The following TTC6 variants were observed in gnomAD, a reference collection of about 807,000 sequenced individuals.
The protein encoded by TTC6 is tetratricopeptide repeat protein 6.
Under a neutral mutation model 210.4 loss-of-function variants are expected in TTC6, and 172 were observed. That is an observed-to-expected ratio of 0.82 (90% CI 0.72 to 0.93). TTC6 has a LOEUF of 0.93. Among genes scored for constraint, TTC6 ranks in the 40% least tolerant of loss-of-function variants. TTC6 has a pLI of 0.00. For missense variants in TTC6, 2,414 were observed against 2,318.1 expected (o/e 1.04, Z -0.85); for synonymous variants, 804 against 819.6 (o/e 0.98, Z 0.32).
chr14:37,690,084 A>C (rs933343973), intron 3 of TTC6, among the ~76,000 whole-genome samples: 1 of 152,122 alleles, frequency 6.6e-6, no homozygotes, highest in Non-Finnish European at 1.5e-5. Context: ...AAGTGTAGAG[A>C]ATTTATTAGT....
intron 20 of TTC6, among the ~76,000 whole-genome samples, chr14:37,803,859 A>G (rs2096112469): frequency 6.6e-6 from 1 of 152,228 alleles, no homozygotes; most frequent in African/African-American, 2.4e-5. Flanking sequence ...GTGGCTTGCA[A>G]ACATATACAG....
At chr14:37,682,287 T>G (rs907369154) in intron 2 of TTC6, among the ~76,000 whole-genome samples, 1 of 152,020 alleles carries the variant, frequency 6.6e-6, no homozygotes, top group African/African-American at 2.4e-5. Flanking sequence ...TTCAGTCCCA[T>G]CTGGTTAAAA....
intron 1 of TTC6, among the ~76,000 whole-genome samples, chr14:37,605,637 A>G (rs926275292): frequency 3.3e-5 from 5 of 152,166 alleles, no homozygotes; most frequent in Non-Finnish European, 7.4e-5. Context: ...AAGCACATAC[A>G]ACAGTCTTAC....
chr14:37,834,101 T>C (rs1045773181), intron 29 of TTC6, among the ~76,000 whole-genome samples: 2 of 152,190 alleles, frequency 1.3e-5, no homozygotes, highest in Non-Finnish European at 2.9e-5. Context: ...TTGATACTTT[T>C]GGTGTTTTTA....
intron 15 of TTC6, among the ~76,000 whole-genome samples, chr14:37,788,788 G>T (rs1268610549): frequency 2.0e-5 from 3 of 152,036 alleles, no homozygotes; most frequent in African/African-American, 7.2e-5. Context: ...ATGCTTTAGG[G>T]TTCAGAGGAT....
At chr14:37,724,029 A>T (rs2095866857) in intron 6 of TTC6, among the ~76,000 whole-genome samples, 1 of 151,992 alleles carries the variant, frequency 6.6e-6, no homozygotes, top group East Asian at 1.9e-4. Flanking sequence ...CTAAAAAAAA[A>T]TCTCCTAGGC....
rs2095859061 is a variant in TTC6, at chr14:37,720,149, C to A, written c.1714-4749C>A. On this transcript the variant is annotated intron_variant, in intron 6 of 30. Transcript: ENST00000553443. ...TTAAAACCACCATAAGATATTAGTACAGAATGGTTAAAATAAAATAATAGT... is the reference window on the plus strand; with the variant it reads ...TTAAAACCACCATAAGATATTAGTAAAGAATGGTTAAAATAAAATAATAGT... Among the ~76,000 whole-genome samples the A allele has an allele frequency of 2.0e-5, 3 of 151,956 alleles. No homozygotes were observed. The South Asian group carries it at 6.2e-4, about 31-fold the overall frequency.
chr14:37,606,408 G>T (rs2095625205), intron 1 of TTC6, among the ~76,000 whole-genome samples: 1 of 152,098 alleles, frequency 6.6e-6, no homozygotes, highest in Non-Finnish European at 1.5e-5. Flanking sequence ...TAGAGTGTTA[G>T]GAGTACTTAG....
intron 13 of TTC6, among the ~76,000 whole-genome samples, chr14:37,752,461 AT>A (rs1175799900): frequency 2.0e-5 from 3 of 151,876 alleles, no homozygotes; most frequent in Admixed American, 6.6e-5. Flanking sequence ...TCCTGCACCA[AT>A]AGTTTAGAAA....
At chr14:37,744,907 G>A (rs988767270) in intron 10 of TTC6, among the ~76,000 whole-genome samples, 4 of 152,088 alleles carry the variant, frequency 2.6e-5, no homozygotes, top group African/African-American at 9.7e-5. Context: ...GGTTTGGGGT[G>A]ATAGCAACCA....
At chr14:37,738,247 A>G (rs1297818999) in intron 9 of TTC6, among the ~76,000 whole-genome samples, 1 of 151,146 alleles carries the variant, frequency 6.6e-6, no homozygotes, top group Non-Finnish European at 1.5e-5. Context: ...TAAAATAAAT[A>G]CTGTAATAGG....
intron 6 of TTC6, among the ~76,000 whole-genome samples, chr14:37,717,103 TAAATGTTTTC>T (rs2095853983): frequency 6.6e-6 from 1 of 151,784 alleles, no homozygotes; most frequent in Admixed American, 6.6e-5. Context: ...TTTCTAGCAC[TAAATGTTTTC>T]AATAGAAAAG....
intron 20 of TTC6, among the ~76,000 whole-genome samples, chr14:37,802,665 C>T (rs578036657): frequency 1.3e-5 from 2 of 151,894 alleles, no homozygotes; most frequent in South Asian, 2.1e-4. Flanking sequence ...TGACCTGTAG[C>T]GATAGAAAAA....
intron 14 of TTC6, among the ~76,000 whole-genome samples, chr14:37,772,746 T>C (rs1301371602): frequency 6.6e-6 from 1 of 152,140 alleles, no homozygotes; most frequent in Non-Finnish European, 1.5e-5. Context: ...CAGATGGAAA[T>C]GCAGATATCA....
chr14:37,765,236 T>C (rs2095995343), intron 14 of TTC6, among the ~76,000 whole-genome samples: 1 of 151,884 alleles, frequency 6.6e-6, no homozygotes, highest in Non-Finnish European at 1.5e-5. Flanking sequence ...AATCACAGCT[T>C]ACTACAGTCT....
At chr14:37,818,898 G>A (rs137959464) in intron 26 of TTC6, among the ~76,000 whole-genome samples, 6 of 152,228 alleles carry the variant, frequency 3.9e-5, no homozygotes, top group East Asian at 3.9e-4. Flanking sequence ...AAAAGTGTCC[G>A]AGCTTGTTGC....
At chr14:37,752,340 C>T (rs2095954743) in intron 13 of TTC6, among the ~76,000 whole-genome samples, 1 of 151,888 alleles carries the variant, frequency 6.6e-6, no homozygotes, top group South Asian at 2.1e-4. Context: ...TGACATTTTT[C>T]TGCTTGAGGA....
At chr14:37,799,976 G>A (rs566591071) in intron 20 of TTC6, among the ~76,000 whole-genome samples, 1 of 152,276 alleles carries the variant, frequency 6.6e-6, no homozygotes, top group South Asian at 2.1e-4. Context: ...TAAGAAATGT[G>A]TGTTGTTTTA....
chr14:37,657,949 T>C (rs1267893127), intron 1 of TTC6, among the ~76,000 whole-genome samples: 1 of 152,312 alleles, frequency 6.6e-6, no homozygotes. Context: ...ATGCATTTGT[T>C]CCAAAGAGAG....
Sources: gnomAD v4.1 joint callset for allele counts (sites outside exome capture counted in the v4.1 genomes callset) on GRCh38, gnomAD v4.1.1 for gene constraint, MANE v1.5 for transcripts, NCBI Gene and HGNC (gene_info 2026-07-23, HGNC 2026-07-21) for gene names.